The following PRIM2 variants were observed in gnomAD, a reference collection of about 807,000 sequenced individuals.
The protein encoded by PRIM2 is DNA primase large subunit.
In PRIM2, 39 loss-of-function variants were observed where a neutral mutation model predicts 67.3. The observed-to-expected ratio is 0.58, with a 90% CI of 0.45 to 0.76. The LOEUF is 0.76. Ranked by LOEUF, PRIM2 falls within the 30% of genes least tolerant of loss-of-function variation. The probability of loss-of-function intolerance (pLI) is 0.00; values close to 1 mark genes in which losing one functional copy is unlikely to be tolerated. For missense variants in PRIM2, 398 were observed against 598.7 expected (o/e 0.66, Z 3.50); for synonymous variants, 143 against 198.7 (o/e 0.72, Z 2.36).
At chr6:57,476,530 A>G (rs1444526583) in intron 7 of PRIM2, among the ~76,000 whole-genome samples, 2 of 152,222 alleles carry the variant, frequency 1.3e-5, no homozygotes, top group Non-Finnish European at 2.9e-5. Context: ...GTACCATGCC[A>G]TTCTTTCCTA....
chr6:57,515,473 T>C (rs1169981248), intron 8 of PRIM2, among the ~76,000 whole-genome samples: 3 of 152,222 alleles, frequency 2.0e-5, no homozygotes, highest in Admixed American at 2.0e-4. Context: ...AGTCTAAAAA[T>C]GCCATCTTGC....
chr6:57,360,479 GATAAA>G (rs1287143888), intron 5 of PRIM2, among the ~76,000 whole-genome samples: 4 of 152,118 alleles, frequency 2.6e-5, no homozygotes, highest in Non-Finnish European at 5.9e-5. Flanking sequence ...ACTGAAAATA[GATAAA>G]ATAAAAAAAT....
At chr6:57,550,871 C>T (rs1775387557) in intron 10 of PRIM2, among the ~76,000 whole-genome samples, 1 of 152,094 alleles carries the variant, frequency 6.6e-6, no homozygotes, top group African/African-American at 2.4e-5. Context: ...TACGTATAAG[C>T]TCCAAAATGG....
upstream of PRIM2, among the ~76,000 whole-genome samples, chr6:57,311,904 G>A (rs1471971793): frequency 6.6e-6 from 1 of 151,898 alleles, no homozygotes; most frequent in Non-Finnish European, 1.5e-5. Context: ...GCGCGTGCCT[G>A]GCAGGCCGAG....
intron 7 of PRIM2, among the ~76,000 whole-genome samples, chr6:57,452,635 G>GT (rs1772597041): frequency 6.6e-6 from 1 of 152,094 alleles, no homozygotes; most frequent in East Asian, 1.9e-4. Flanking sequence ...GGGGTTGTTT[G>GT]TTTTTTTCTT....
intron 7 of PRIM2, among the ~76,000 whole-genome samples, chr6:57,457,590 C>T (rs576771262): frequency 5.9e-5 from 9 of 152,086 alleles, no homozygotes; most frequent in Non-Finnish European, 1.0e-4. Context: ...CCGAGCCAGG[C>T]GTGGGATATA....
At chr6:57,576,052 A>G (rs1775959104) in intron 10 of PRIM2, among the ~76,000 whole-genome samples, 1 of 152,178 alleles carries the variant, frequency 6.6e-6, no homozygotes, top group Non-Finnish European at 1.5e-5. Flanking sequence ...TGCTGGGATT[A>G]CAGGCGTGAG....
intron 12 of PRIM2, among the ~76,000 whole-genome samples, chr6:57,623,169 G>A (rs1231484291): frequency 6.6e-6 from 1 of 152,160 alleles, no homozygotes; most frequent in Non-Finnish European, 1.5e-5. Flanking sequence ...AGTTGAAAAT[G>A]TGTAACGTTC....
chr6:57,239,939 A>C, the PRIM2 span, among the ~76,000 whole-genome samples: 2 of 152,114 alleles, frequency 1.3e-5, no homozygotes, highest in African/African-American at 4.8e-5. Flanking sequence ...CTAACTCATA[A>C]AATAGTAATC....
chr6:57,467,699 T>C (rs1773239197), intron 7 of PRIM2, among the ~76,000 whole-genome samples: 1 of 152,236 alleles, frequency 6.6e-6, no homozygotes, highest in Non-Finnish European at 1.5e-5. Context: ...TAGCATTGAA[T>C]ATATAAATTA....
At chr6:57,377,503 T>A (rs1329567571) in intron 5 of PRIM2, among the ~76,000 whole-genome samples, 1 of 151,776 alleles carries the variant, frequency 6.6e-6, no homozygotes, top group African/African-American at 2.4e-5. Context: ...TTTTTTTCAT[T>A]GGCCTGGGGT....
At chr6:57,290,551 C>T in the PRIM2 span, among the ~76,000 whole-genome samples, 3 of 152,186 alleles carry the variant, frequency 2.0e-5, no homozygotes, top group Non-Finnish European at 4.4e-5. Flanking sequence ...ACAGAATATA[C>T]ATTCTTCTCA....
intron 10 of PRIM2, among the ~76,000 whole-genome samples, chr6:57,563,786 G>A (rs1185049224): frequency 1.8e-4 from 28 of 152,050 alleles, no homozygotes; most frequent in African/African-American, 5.6e-4. Context: ...TCAGCCTCCC[G>A]AGTATCTGGG....
intron 5 of PRIM2, among the ~76,000 whole-genome samples, chr6:57,363,060 GAAAGTTTGTTAAT>G (rs2127314639): frequency 6.6e-6 from 1 of 152,190 alleles, no homozygotes; most frequent in African/African-American, 2.4e-5. Flanking sequence ...TATAAGATCA[GAAAGTTTGTTAAT>G]CTAATATTTA....
chr6:57,281,300 T>C, the PRIM2 span, among the ~76,000 whole-genome samples: 9 of 152,202 alleles, frequency 5.9e-5, no homozygotes, highest in African/African-American at 2.2e-4. Context: ...ATTTCCTTTC[T>C]TTTGTATATA....
intron 7 of PRIM2, among the ~76,000 whole-genome samples, chr6:57,421,700 A>G (rs74605423): frequency 0.016 from 2,488 of 152,040 alleles, 71 homozygotes; most frequent in African/African-American, 0.056. Flanking sequence ...TTTCCATCCC[A>G]CTTCCTCTTA....
the PRIM2 span, among the ~76,000 whole-genome samples, chr6:57,250,615 G>T: frequency 6.6e-6 from 1 of 152,190 alleles, no homozygotes; most frequent in African/African-American, 2.4e-5. Flanking sequence ...GCAACAGTTA[G>T]TTAGCCGTAT....
At chr6:57,244,674 T>G in the PRIM2 span, among the ~76,000 whole-genome samples, 1 of 151,672 alleles carries the variant, frequency 6.6e-6, no homozygotes, top group Non-Finnish European at 1.5e-5. Context: ...GGCAGGAGAA[T>G]CGCTTGAACC....
At chr6:57,348,961 G>A (rs1768770415) in intron 5 of PRIM2, among the ~76,000 whole-genome samples, 2 of 152,068 alleles carry the variant, frequency 1.3e-5, no homozygotes, top group South Asian at 4.2e-4. Context: ...TCGTCAGGAT[G>A]GTCTTGATCT....
Sources: gnomAD v4.1 joint callset for allele counts (sites outside exome capture counted in the v4.1 genomes callset) on GRCh38, gnomAD v4.1.1 for gene constraint, MANE v1.5 for transcripts, NCBI Gene and HGNC (gene_info 2026-07-23, HGNC 2026-07-21) for gene names.